Variants in CREB1 observed in about 807,000 individuals in gnomAD.
The protein encoded by CREB1 is cyclic AMP-responsive element-binding protein 1.
A neutral mutation model predicts 42.0 loss-of-function variants in CREB1; 2 were observed. The ratio of observed to expected loss-of-function variants is 0.05; its 90% CI spans 0.02 to 0.15. The LOEUF (loss-of-function observed/expected upper bound fraction) is 0.15. CREB1 is among the 10% of genes least tolerant of loss of function. The pLI, the probability that CREB1 is intolerant of heterozygous loss-of-function variation, is 1.00. For missense variants in CREB1, 199 were observed against 388.9 expected (o/e 0.51, Z 4.11); for synonymous variants, 123 against 139.9 (o/e 0.88, Z 0.85).
rs1327919951 is a variant in CREB1 at position 207,603,085 on chromosome 2, GA to G, written c.*6029del. 1 of 210,708 alleles carries G rather than the reference GA, an allele frequency of 4.7e-6. No homozygotes were observed. Among genetic ancestry groups the G allele is most frequent in the East Asian group, 7.2e-5 (1 of 13,920 alleles). 13.1% of individuals were successfully genotyped at this position (210,708 alleles called of 1,614,324 possible). ...TAACTCTGATGTTTCTATTGGAGTT[GA>G]ATACTAAATAAATAACTATAATGAG... On this transcript the variant is annotated 3_prime_UTR_variant, in exon 8 of 8. Coordinates refer to ENST00000353267, the MANE Select transcript of CREB1 (RefSeq NM_004379.5).
intron 5 of CREB1, among the ~76,000 whole-genome samples, chr2:207,573,194 TACTTG>T (rs1050388788): frequency 2.7e-4 from 41 of 152,250 alleles, no homozygotes; most frequent in East Asian, 5.8e-4. Context: ...ATACATCCGT[TACTTG>T]ACTTCTGTCT....
In CREB1 at chr2:207,599,804, T is replaced by A. The variant is rs936606023; in HGVS notation, c.*2746T>A. ...TAAAAACCTTGTAGCCAAGAACATA[T>A]GTGGCCACATTACCAGTAATAAATG... On this transcript the variant is annotated 3_prime_UTR_variant, in exon 8 of 8. Transcript: ENST00000353267. 1 of 196,474 alleles carries A rather than the reference T, an allele frequency of 5.1e-6. No individual in the cohort carries two copies. The allele number at this position is 196,474 out of a possible 1,614,324, so 12.2% of individuals were successfully genotyped here.
intron 1 of CREB1, among the ~76,000 whole-genome samples, chr2:207,539,835 A>G (rs963294655): frequency 1.3e-5 from 2 of 152,198 alleles, no homozygotes; most frequent in Non-Finnish European, 2.9e-5. Flanking sequence ...TAGGCAGTGG[A>G]ATGGACAAAA....
chr2:207,533,660 C>G (rs934224934), intron 1 of CREB1, among the ~76,000 whole-genome samples: 7 of 151,784 alleles, frequency 4.6e-5, no homozygotes, highest in Non-Finnish European at 8.8e-5. Context: ...GAGCTCAAAT[C>G]TAAATTTAAG....
chr2:207,540,350 T>C (rs74342263), intron 1 of CREB1, among the ~76,000 whole-genome samples: 1 of 151,842 alleles, frequency 6.6e-6, no homozygotes, highest in Non-Finnish European at 1.5e-5. Flanking sequence ...ACAAAAAATT[T>C]TAAAAAGTGG....
At chr2:207,595,054 G>C (rs989356295) in intron 7 of CREB1, among the ~76,000 whole-genome samples, 32 of 147,158 alleles carry the variant, frequency 2.2e-4, no homozygotes, top group African/African-American at 7.6e-4. Flanking sequence ...AGAGTGCCGT[G>C]GTGCAATCTC....
chr2:207,555,867 AT>A (rs2081699270), intron 2 of CREB1, 118 bp downstream of exon 2: 1 of 606,864 alleles, frequency 1.6e-6, no homozygotes. Flanking sequence ...CTCTTACAAT[AT>A]CAAAATTCCT....
intron 7 of CREB1, chr2:207,580,924 C>A (rs991043727): frequency 4.6e-6 from 1 of 217,480 alleles, no homozygotes; most frequent in African/African-American, 2.2e-5. Flanking sequence ...GTGAACGTTA[C>A]ATCTACTCGT....
chr2:207,542,483 T>C (rs2081134518), intron 1 of CREB1, among the ~76,000 whole-genome samples: 1 of 152,202 alleles, frequency 6.6e-6, no homozygotes, highest in South Asian at 2.1e-4. Flanking sequence ...TTTGGGAAAA[T>C]TTCTGTTCAG....
At chr2:207,584,083 C>G (rs1325192109) in intron 7 of CREB1, among the ~76,000 whole-genome samples, 1 of 152,106 alleles carries the variant, frequency 6.6e-6, no homozygotes, top group African/African-American at 2.4e-5. Flanking sequence ...AATTTCATCC[C>G]AGTTATTTCC....
chr2:207,588,729 T>G (rs1267271776), intron 7 of CREB1, among the ~76,000 whole-genome samples: 1 of 5,668 alleles, frequency 1.8e-4, no homozygotes, highest in African/African-American at 2.0e-4. Context: ...TGTTTTCTGG[T>G]TTTTTTTTTT....
At chr2:207,582,446 A>C (rs1216852529) in intron 7 of CREB1, among the ~76,000 whole-genome samples, 2 of 152,230 alleles carry the variant, frequency 1.3e-5, no homozygotes, top group Non-Finnish European at 2.9e-5. Flanking sequence ...TTATCAATAC[A>C]GACACATACT....
chr2:207,601,388 A>C lies in CREB1; in HGVS notation c.*4330A>C, dbSNP rs1437476656. 1.1e-5 allele frequency: 2 copies of C among 186,156 alleles called. No homozygotes were observed. The highest frequency in any genetic ancestry group is 2.3e-5 in the Non-Finnish European group (2 of 88,022). 11.5% of individuals were successfully genotyped at this position (186,156 alleles called of 1,614,324 possible). A position where few individuals can be genotyped will look rare whatever the true frequency, so the allele number is the denominator to read the frequency against. ...TAAATGGAAGTTTTTCATTGATTAA[A>C]ATATTTTAGCACCTAAAAGCTAGCC... is the stretch of plus-strand genomic sequence containing the variant. On this transcript the variant is annotated 3_prime_UTR_variant, in exon 8 of 8. Transcript: ENST00000353267.
At chr2:207,559,387 A>G in intron 2 of CREB1, 9 of 566,144 alleles carry the variant, frequency 1.6e-5, no homozygotes, top group Non-Finnish European at 2.0e-5. Context: ...AAACCTCATT[A>G]CTAAACTGAA....
In CREB1 at chr2:207,605,953, AT is replaced by A. The variant is rs894181428; in HGVS notation, c.*8902del. Reference sequence around the variant, plus strand: ...TTATGTCAAACTTTACAGTCTAGGCATTTTTTTCTGGAATTAAAATTAGAAG... The same window carrying A: ...TTATGTCAAACTTTACAGTCTAGGCATTTTTTCTGGAATTAAAATTAGAAG... On this transcript the variant is annotated 3_prime_UTR_variant, in exon 8 of 8. Transcript: ENST00000353267. Among the ~76,000 whole-genome samples the A allele has an allele frequency of 6.6e-6, 1 of 152,134 alleles. No homozygotes were observed. The highest frequency in any genetic ancestry group is 2.4e-5 in the African/African-American group (1 of 41,426).
intron 1 of CREB1, among the ~76,000 whole-genome samples, chr2:207,552,426 G>T (rs1353363613): frequency 1.3e-5 from 2 of 151,836 alleles, no homozygotes; most frequent in African/African-American, 4.8e-5. Context: ...CAAATGGTAG[G>T]GTAAAACTAC....
chr2:207,580,347 G>A (rs1477160807), intron 7 of CREB1, among the ~76,000 whole-genome samples: 1 of 152,188 alleles, frequency 6.6e-6, no homozygotes, highest in East Asian at 1.9e-4. Flanking sequence ...CTAAGGAGGT[G>A]AACGTGGAGT....
chr2:207,530,855 C>T (rs1230558663), intron 1 of CREB1, among the ~76,000 whole-genome samples: 1 of 151,584 alleles, frequency 6.6e-6, no homozygotes, highest in Non-Finnish European at 1.5e-5. Context: ...TATTCGTGCC[C>T]TTTCCCCCCC....
rs569362053 is a variant in CREB1, at chr2:207,571,924, AAATTGCT to A, written c.505+1605_505+1611del. The A allele has an allele frequency of 2.5e-3, 757 of 305,414 alleles. 11 individuals carry two copies. The highest frequency in any genetic ancestry group is 0.019 in the South Asian group (743 of 38,484). The allele number at this position is 305,414 out of a possible 1,614,324, so 18.9% of individuals were successfully genotyped here. On this transcript the variant is annotated intron_variant, in intron 5 of 7. Coordinates refer to ENST00000353267, the MANE Select transcript of CREB1 (RefSeq NM_004379.5). ...TACACTCGTCTCCTCCAGCAGCTGA[AAATTGCT>A]AGTTTTAAGAGATTGAGCCAGGCGC...
Sources: allele counts gnomAD v4.1 joint callset (sites outside exome capture counted in the v4.1 genomes callset), GRCh38; gene constraint gnomAD v4.1.1; transcripts MANE v1.5; gene names NCBI Gene and HGNC (gene_info 2026-07-23, HGNC 2026-07-21).